The following ALDH9A1 variants were observed in gnomAD, a reference collection of about 807,000 sequenced individuals.
The protein encoded by ALDH9A1 is 4-trimethylaminobutyraldehyde dehydrogenase.
A neutral mutation model predicts 56.6 loss-of-function variants in ALDH9A1; 42 were observed. The ratio of observed to expected loss-of-function variants is 0.74; its 90% CI spans 0.58 to 0.96. The LOEUF is 0.96. Ranked by LOEUF, ALDH9A1 falls within the 40% of genes least tolerant of loss-of-function variation. ALDH9A1 has a pLI of 0.00. For missense variants in ALDH9A1, 661 were observed against 651.5 expected, an observed-to-expected ratio of 1.01 and a Z score of -0.16; for synonymous variants, 242 against 236.0, an observed-to-expected ratio of 1.03 and a Z score of -0.23.
Position 165,682,763 on chromosome 1 carries a change from C to G in ALDH9A1, c.457+218G>C. On this transcript the variant is annotated intron_variant, in intron 3 of 10. Coordinates refer to ENST00000354775, the MANE Select transcript of ALDH9A1 (RefSeq NM_000696.4). ...GGTATCATGCTAGGTGCTTTACATG[C>G]ACTATCTCATTTAATCCTTAACCCA... 3 of 511,030 alleles carry G rather than the reference C, an allele frequency of 5.9e-6. No individual in the cohort carries two copies. In the South Asian group the frequency reaches 1.1e-4, roughly 19 times the overall value. The allele number at this position is 511,030 out of a possible 1,614,324, so 31.7% of individuals were successfully genotyped here. A position where few individuals can be genotyped will look rare whatever the true frequency, so the allele number is the denominator to read the frequency against.
At chr1:165,693,273 C>A (rs1235145056) in intron 2 of ALDH9A1, among the ~76,000 whole-genome samples, 2 of 152,180 alleles carry the variant, frequency 1.3e-5, no homozygotes, top group African/African-American at 4.8e-5. Flanking sequence ...TCAGAGTGAA[C>A]AGGCAACCTA....
intron 9 of ALDH9A1, 142 bp downstream of exon 9, chr1:165,667,167 T>C (rs1649033146): frequency 1.7e-6 from 2 of 1,159,240 alleles, no homozygotes; most frequent in Non-Finnish European, 2.4e-6. Flanking sequence ...TGGTGTCTTC[T>C]GACTTAACCT....
intron 1 of ALDH9A1, 104 bp from the exon 2 acceptor site, chr1:165,695,501 TTTTTTTTTTC>T (rs1313555992): frequency 1.9e-4 from 184 of 960,040 alleles, no homozygotes; most frequent in East Asian, 6.4e-4. Flanking sequence ...TTTTTTTTTT[TTTTTTTTTTC>T]TTGAGATGGA....
Position 165,683,021 on chromosome 1 carries a change from C to T in ALDH9A1, c.417G>A (p.Gln139=), listed in dbSNP as rs769082475. 5.6e-6 allele frequency: 9 copies of T among 1,613,946 alleles called. No homozygotes were observed. The Admixed American group carries it at 1.0e-4, about 18-fold the overall frequency. The change falls in exon 3 of 11, where the codon CAG becomes CAA. Residue 139 remains glutamine, a synonymous_variant. Coordinates refer to ENST00000354775, the MANE Select transcript of ALDH9A1 (RefSeq NM_000696.4). ...CCAAGCCCGCATAATACTCCAGGCA[C>T]TGCCAGGAAATGTCAATGTCCAAGC... is the stretch of plus-strand genomic sequence containing the variant. ...EARLDIDISW[Q]CLEYYAGLAA...
intron 2 of ALDH9A1, among the ~76,000 whole-genome samples, chr1:165,683,394 C>T (rs893468867): frequency 6.6e-6 from 1 of 152,132 alleles, no homozygotes; most frequent in African/African-American, 2.4e-5. Context: ...TGAACCCATG[C>T]CCTCTGAGGC....
At chr1:165,666,690 A>C in intron 9 of ALDH9A1, among the ~76,000 whole-genome samples, 1 of 152,196 alleles carries the variant, frequency 6.6e-6, no homozygotes, top group African/African-American at 2.4e-5. Flanking sequence ...AAACAGCATA[A>C]TCCCAAGTGT....
Position 165,698,453 on chromosome 1 carries a change from G to A in ALDH9A1, c.106C>T (p.Leu36Phe), listed in dbSNP as rs1408400381. ...ACGCGGGCCCCGCCGCGGTAATTGAGCGGCTGCGACACGACGAAGGTGCCA... is the reference window on the plus strand; with the variant it reads ...ACGCGGGCCCCGCCGCGGTAATTGAACGGCTGCGACACGACGAAGGTGCCA... ...STGTFVVSQP[L>F]NYRGGARVEP... Residue 36 changes from leucine to phenylalanine, a missense_variant, in exon 1 of 11, where the codon CTC (leucine) becomes TTC (phenylalanine). Transcript: ENST00000354775. The A allele has an allele frequency of 3.1e-6, 5 of 1,606,738 alleles. No homozygotes were observed. The African/African-American group carries it at 6.8e-5, about 22-fold the overall frequency.
At position 165,684,810 on chromosome 1, in the gene ALDH9A1, T is replaced by A. The variant is rs1039724934; in HGVS notation, c.328-1700A>T. 6.6e-5 allele frequency among the ~76,000 whole-genome samples: 10 copies of A among 152,230 alleles called. 1 individual carries two copies. Among genetic ancestry groups the A allele is most frequent in the Admixed American group, 6.5e-4 (10 of 15,286 alleles). Reference sequence around the variant, plus strand: ...AAGTAATCTGTGATTCTATCGCTGCTAAGCCCTGGAACATTTACTAAGAGA... The same window carrying A: ...AAGTAATCTGTGATTCTATCGCTGCAAAGCCCTGGAACATTTACTAAGAGA... On this transcript the variant is annotated intron_variant, in intron 2 of 10. Coordinates refer to ENST00000354775, the MANE Select transcript of ALDH9A1 (RefSeq NM_000696.4).
chr1:165,675,900 G>A, intron 6 of ALDH9A1, among the ~76,000 whole-genome samples: 1 of 152,146 alleles, frequency 6.6e-6, no homozygotes, highest in South Asian at 2.1e-4. Context: ...TTCCACAGAG[G>A]TATGGATTTA....
At chr1:165,693,516 T>C (rs1649961797) in intron 2 of ALDH9A1, among the ~76,000 whole-genome samples, 1 of 152,184 alleles carries the variant, frequency 6.6e-6, no homozygotes, top group African/African-American at 2.4e-5. Flanking sequence ...CACAATGAGA[T>C]ACCATCTCAC....
chr1:165,670,258 C>T (rs1284902498), intron 6 of ALDH9A1, among the ~76,000 whole-genome samples: 2 of 152,022 alleles, frequency 1.3e-5, no homozygotes, highest in African/African-American at 2.4e-5. Flanking sequence ...CATGATGAAA[C>T]CCCATCTCTA....
At chr1:165,697,980 G>A (rs1201677240) in intron 1 of ALDH9A1, among the ~76,000 whole-genome samples, 1 of 152,202 alleles carries the variant, frequency 6.6e-6, no homozygotes, top group East Asian at 1.9e-4. Flanking sequence ...AGTGAGCTCT[G>A]AGATGGTGCC....
At position 165,662,993 on chromosome 1, in the gene ALDH9A1, G is replaced by A; in HGVS notation, c.*57C>T. On this transcript the variant is annotated 3_prime_UTR_variant, in exon 11 of 11. Coordinates refer to ENST00000354775, the MANE Select transcript of ALDH9A1 (RefSeq NM_000696.4). ...TTCAGTTGTACTGCCTCTGTAAACA[G>A]GGCCAATTCACATCATTCCACAGCG... 1 of 1,466,978 alleles carries A rather than the reference G, an allele frequency of 6.8e-7. No homozygotes were observed. The allele number at this position is 1,466,978 out of a possible 1,614,324, so 90.9% of individuals were successfully genotyped here.
chr1:165,695,309 A>C lies in ALDH9A1; in HGVS notation c.270T>G (p.Ser90Arg). Residue 90 changes from serine to arginine, a missense_variant, in exon 2 of 11, where the codon AGT becomes AGG. By Grantham distance (110) the Ser-to-Arg change is moderately radical. Coordinates refer to ENST00000354775, the MANE Select transcript of ALDH9A1 (RefSeq NM_000696.4). The stretch of plus-strand genomic sequence containing the variant: ...GGCAACGCTCCATGCCAGATTTTTG[A>C]CTCCATATTTTAAAAGCAGCCTTTG... ...QNAKAAFKIWSQKSGMERCRI... is the reference protein window; with the variant it reads ...QNAKAAFKIWRQKSGMERCRI... 1 of 1,613,056 alleles carries C rather than the reference A, an allele frequency of 6.2e-7. No individual in the cohort carries two copies. The highest frequency in any genetic ancestry group is 1.7e-5 in the Admixed American group (1 of 59,892).
intron 2 of ALDH9A1, among the ~76,000 whole-genome samples, chr1:165,687,300 A>T (rs11583089): frequency 0.25 from 37,966 of 151,798 alleles, 5,234 homozygotes; most frequent in Non-Finnish European, 0.31. Context: ...GGGGCAAAAA[A>T]AAAAACTAAA....
intron 1 of ALDH9A1, among the ~76,000 whole-genome samples, chr1:165,697,179 T>C (rs1650116261): frequency 6.6e-6 from 1 of 152,236 alleles, no homozygotes; most frequent in Non-Finnish European, 1.5e-5. Context: ...GTAAATCCAG[T>C]GCCTAGCACA....
At chr1:165,681,174 A>G (rs997592622) in intron 4 of ALDH9A1, among the ~76,000 whole-genome samples, 17 of 152,222 alleles carry the variant, frequency 1.1e-4, no homozygotes, top group African/African-American at 4.1e-4. Context: ...CAGCCAAACC[A>G]TATCAATAAG....
Position 165,673,002 on chromosome 1 carries a change from C to G in ALDH9A1, c.931-3552G>C, listed in dbSNP as rs935126533. On this transcript the variant is annotated intron_variant, in intron 6 of 10. Coordinates refer to ENST00000354775, the MANE Select transcript of ALDH9A1 (RefSeq NM_000696.4). ...ACACACACACACACACACACACACA[C>G]ACACACACACACGGTTAAATTGGTA... Among the ~76,000 whole-genome samples the G allele has an allele frequency of 2.7e-5, 4 of 150,202 alleles. No individual in the cohort carries two copies. In the Admixed American group the frequency reaches 2.7e-4, roughly 10 times the overall value.
chr1:165,681,131 G>A (rs893317223), intron 4 of ALDH9A1, among the ~76,000 whole-genome samples: 2 of 152,180 alleles, frequency 1.3e-5, no homozygotes, highest in Admixed American at 6.5e-5. Context: ...AATTCTGGGT[G>A]ATACAATTCA....
Sources: allele counts gnomAD v4.1 joint callset (sites outside exome capture counted in the v4.1 genomes callset), GRCh38; gene constraint gnomAD v4.1.1; transcripts MANE v1.5; gene names NCBI Gene and HGNC (gene_info 2026-07-23, HGNC 2026-07-21).